The following NUMA1 variants were observed in gnomAD, a reference collection of about 807,000 sequenced individuals.
NUMA1 encodes the protein nuclear mitotic apparatus protein 1.
A neutral mutation model predicts 237.1 loss-of-function variants in NUMA1; 62 were observed. That is an observed-to-expected ratio of 0.26 (90% CI 0.21 to 0.32). The LOEUF (loss-of-function observed/expected upper bound fraction) is 0.32, where lower values mean the gene tolerates loss of function less well. Ranked by LOEUF, NUMA1 falls within the 10% of genes least tolerant of loss-of-function variation. The pLI is 1.00. For synonymous variants in NUMA1, 1,028 were observed against 1,066.1 expected, an observed-to-expected ratio of 0.96 and a Z score of 0.70; for missense variants, 2,533 against 2,666.5, an observed-to-expected ratio of 0.95 and a Z score of 1.10.
intron 2 of NUMA1, among the ~76,000 whole-genome samples, chr11:72,056,962 A>G (rs574220703): frequency 1.9e-4 from 29 of 152,098 alleles, no homozygotes; most frequent in Admixed American, 1.8e-3. Context: ...CAATGATGAG[A>G]TATCTCAATT....
chr11:72,045,628 G>A (rs1421443683), intron 2 of NUMA1, among the ~76,000 whole-genome samples: 1 of 152,076 alleles, frequency 6.6e-6, no homozygotes, highest in Non-Finnish European at 1.5e-5. Context: ...ACAGGTGCAT[G>A]CCACCACGCC....
At chr11:72,053,185 T>C (rs1942460144) in intron 2 of NUMA1, among the ~76,000 whole-genome samples, 1 of 152,236 alleles carries the variant, frequency 6.6e-6, no homozygotes, top group Non-Finnish European at 1.5e-5. Context: ...AGGATCTTGC[T>C]ATGTTGTCCA....
rs757395318 is a variant in NUMA1 at position 72,013,329 on chromosome 11, C to T, written c.4174G>A (p.Ala1392Thr). 4.4e-6 allele frequency: 7 copies of T among 1,606,330 alleles called. No homozygotes were observed. The highest frequency in any genetic ancestry group is 4.5e-5 in the East Asian group (2 of 44,880). Residue 1392 changes from alanine to threonine, a missense_variant, in exon 15 of 27, where the codon GCT (alanine) becomes ACT (threonine). Physicochemically the swap from Ala to Thr is moderately conservative, Grantham distance 58 (BLOSUM62 0). Transcript: ENST00000393695. The surrounding 1 kb of genome is among the most constrained non-coding windows in gnomAD (Gnocchi z 6.8). ...AGCAGCTCTGCCCGCAGTCCCCCAG[C>T]GGCCTGCTTGCTCTGCTCCAGCTCC... ...REELEQSKQA[A>T]GGLRAELLRA...
intron 2 of NUMA1, among the ~76,000 whole-genome samples, chr11:72,038,696 T>G (rs1329352141): frequency 6.6e-6 from 1 of 151,500 alleles, no homozygotes; most frequent in Non-Finnish European, 1.5e-5. Flanking sequence ...GTGATGCTGA[T>G]GGAAAAACAG....
chr11:72,057,095 A>C (rs116584302), intron 2 of NUMA1, among the ~76,000 whole-genome samples: 11 of 152,116 alleles, frequency 7.2e-5, no homozygotes, highest in South Asian at 2.1e-4. Flanking sequence ...AAAAAGAAAG[A>C]AAGCATTTTA....
intron 4 of NUMA1, 28 bp from the exon 5 acceptor site, chr11:72,024,381 G>A (rs751930537): frequency 1.2e-6 from 2 of 1,601,942 alleles, no homozygotes; most frequent in Non-Finnish European, 8.6e-7. Context: ...ATTAGGACCA[G>A]AGTATTCAGC....
At chr11:72,031,635 A>G (rs1940324300) in intron 3 of NUMA1, among the ~76,000 whole-genome samples, 1 of 151,954 alleles carries the variant, frequency 6.6e-6, no homozygotes, top group South Asian at 2.1e-4. Flanking sequence ...GCTCTACAAA[A>G]TAATAATTTA....
In NUMA1 at chr11:72,035,937, G is replaced by C. The variant is rs1368219272; in HGVS notation, c.7C>G (p.Leu3Val). 1 of 1,614,098 alleles carries C rather than the reference G, an allele frequency of 6.2e-7. No individual in the cohort carries two copies. Among genetic ancestry groups the C allele is most frequent in the Admixed American group, 1.7e-5 (1 of 60,020 alleles). ...AGTGCAGCCCCCCGGGTGGCGTGGA[G>C]TGTCATCTTGGTGATGCCAGACAGT... MT[L>V]HATRGAALLS... The change falls in exon 3 of 27, where the codon CTC becomes GTC. Residue 3 changes from leucine to valine, a missense_variant. Physicochemically the swap from Leu to Val is conservative, Grantham distance 32 (BLOSUM62 1). This residue lies in a region of NUMA1 where 1,414 missense variants were observed against 1,508.1 expected (regional missense o/e 0.94). Transcript: ENST00000393695.
At chr11:72,018,543 G>A (rs202094839) in intron 10 of NUMA1, 30 bp from the exon 11 acceptor site, 2 of 1,574,722 alleles carry the variant, frequency 1.3e-6, no homozygotes, top group African/African-American at 2.7e-5. Context: ...GAGGAGAGGA[G>A]AATCAGAACT....
chr11:72,048,789 TA>T (rs1942148977), intron 2 of NUMA1, among the ~76,000 whole-genome samples: 1 of 152,186 alleles, frequency 6.6e-6, no homozygotes, highest in Admixed American at 6.5e-5. Context: ...AAAACTCCTC[TA>T]AAAACAGCAA....
At chr11:72,043,357 CTTTTTTTTTTTTT>C in intron 2 of NUMA1, among the ~76,000 whole-genome samples, 1 of 105,602 alleles carries the variant, frequency 9.5e-6, no homozygotes, top group East Asian at 3.1e-4. Context: ...AGGCGGAGTT[CTTTTTTTTTTTTT>C]TTTTTTTTTT....
intron 2 of NUMA1, among the ~76,000 whole-genome samples, chr11:72,050,045 T>G (rs1342292546): frequency 1.3e-5 from 2 of 152,082 alleles, no homozygotes; most frequent in Non-Finnish European, 2.9e-5. Context: ...GAGGCACATG[T>G]GGGTGCTTCA....
intron 17 of NUMA1, among the ~76,000 whole-genome samples, chr11:72,009,647 C>G (rs1472396507): frequency 6.6e-6 from 1 of 152,222 alleles, no homozygotes; most frequent in Non-Finnish European, 1.5e-5. Flanking sequence ...AGACCAGACA[C>G]AAAGTGTCAC....
At chr11:72,032,329 G>T (rs376952597) in intron 3 of NUMA1, among the ~76,000 whole-genome samples, 2 of 152,084 alleles carry the variant, frequency 1.3e-5, no homozygotes, top group Admixed American at 6.5e-5. Flanking sequence ...ACAGGTCATT[G>T]TAAGTTTTCT....
rs780125972 is a variant in NUMA1, at chr11:72,004,266, T to C, written c.6082A>G (p.Thr2028Ala). 1 of 1,613,226 alleles carries C rather than the reference T, an allele frequency of 6.2e-7. No homozygotes were observed. The highest frequency in any genetic ancestry group is 8.5e-7 in the Non-Finnish European group (1 of 1,179,804). ...GGAGCTGCTTTCTTCTGGGCCTCAGTAGTGCTCTGTTTGCGCCCTTCATGT... is the reference window on the plus strand; with the variant it reads ...GGAGCTGCTTTCTTCTGGGCCTCAGCAGTGCTCTGTTTGCGCCCTTCATGT... The part of the protein sequence containing the change: ...DRHEGRKQST[T>A]EAQKKAAPAS... The change falls in exon 25 of 27, where the codon ACT becomes GCT. Residue 2028 changes from threonine to alanine, a missense_variant. Thr to Ala is a moderately conservative substitution (Grantham distance 58). This residue lies in a region of NUMA1 where 795 missense variants were observed against 750.8 expected (regional missense o/e 1.06). Transcript: ENST00000393695.
intron 17 of NUMA1, 141 bp from the exon 18 acceptor site, chr11:72,009,528 T>C (rs1955999945): frequency 9.0e-7 from 1 of 1,110,468 alleles, no homozygotes; most frequent in African/African-American, 1.6e-5. Flanking sequence ...CCACCCCAAA[T>C]ACTCTCTGCC....
In NUMA1 at chr11:72,006,206, C is replaced by G; in HGVS notation, c.5521G>C (p.Ala1841Pro). Residue 1841 changes from alanine to proline, a missense_variant, in exon 22 of 27, where the codon GCT becomes CCT. By Grantham distance (27) the Ala-to-Pro change is conservative. Coordinates refer to ENST00000393695, the MANE Select transcript of NUMA1 (RefSeq NM_006185.4). ...CGCAGGCTAGCCTGGGAAGCAGGAG[C>G]AGACCGCGTGCTGTAGAACGATGAG... ...ANSSFYSTRSAPASQASLRAT... is the reference protein window; with the variant it reads ...ANSSFYSTRSPPASQASLRAT... 3 of 1,614,168 alleles carry G rather than the reference C, an allele frequency of 1.9e-6. No individual in the cohort carries two copies. The highest frequency in any genetic ancestry group is 1.7e-6 in the Non-Finnish European group (2 of 1,180,030).
intron 17 of NUMA1, 94 bp downstream of exon 17, chr11:72,010,692 C>T (rs141751348): frequency 7.9e-7 from 1 of 1,269,318 alleles, no homozygotes; most frequent in Non-Finnish European, 1.1e-6. Flanking sequence ...CAGGGTGCCC[C>T]TCTTCTGCCC....
intron 2 of NUMA1, chr11:72,041,677 G>A (rs977889556): frequency 4.6e-5 from 7 of 152,196 alleles, no homozygotes; most frequent in African/African-American, 1.7e-4. Flanking sequence ...CCTTCCTGCC[G>A]GCCCCAGGGC....
Sources: allele counts gnomAD v4.1 joint callset (sites outside exome capture counted in the v4.1 genomes callset), GRCh38; gene constraint gnomAD v4.1.1; regional missense constraint gnomAD v4.1.1; non-coding constraint Gnocchi (gnomAD v3.1); transcripts MANE v1.5; gene names NCBI Gene and HGNC (gene_info 2026-07-23, HGNC 2026-07-21).